Variants in SPAG16 observed in about 807,000 individuals in gnomAD.
SPAG16 encodes sperm associated antigen 16.
A neutral mutation model predicts 80.4 loss-of-function variants in SPAG16; 86 were observed. That is an observed-to-expected ratio of 1.07 (90% CI 0.90 to 1.28). SPAG16 has a LOEUF of 1.28. Ranked by LOEUF, SPAG16 falls within the 50% of genes most tolerant of loss-of-function variation. SPAG16 has a pLI of 0.00. For missense variants in SPAG16, 870 were observed against 765.3 expected, an observed-to-expected ratio of 1.14 and a Z score of -1.61; for synonymous variants, 294 against 265.9, an observed-to-expected ratio of 1.11 and a Z score of -1.03.
At chr2:213,396,576 T>C (rs765275847) in intron 9 of SPAG16, 4 of 453,334 alleles carry the variant, frequency 8.8e-6, no homozygotes, top group African/African-American at 6.0e-5. Context: ...TCTAACTCCA[T>C]GCCTCCATCA....
At chr2:213,743,198 C>T (rs767156284) in intron 10 of SPAG16, among the ~76,000 whole-genome samples, 1 of 152,212 alleles carries the variant, frequency 6.6e-6, no homozygotes, top group Non-Finnish European at 1.5e-5. Context: ...CCACCGCGCC[C>T]GGCTGTATTG....
intron 13 of SPAG16, among the ~76,000 whole-genome samples, chr2:214,089,139 T>G (rs2051989234): frequency 6.6e-6 from 1 of 152,060 alleles, no homozygotes; most frequent in African/African-American, 2.4e-5. Flanking sequence ...GGACAGAGGT[T>G]GTTTTTTTGG....
chr2:213,860,275 A>C (rs1276564894), intron 10 of SPAG16, among the ~76,000 whole-genome samples: 3 of 151,516 alleles, frequency 2.0e-5, no homozygotes, highest in Non-Finnish European at 4.4e-5. Flanking sequence ...AAATATTTCT[A>C]TTCAGCTAAA....
chr2:214,182,308 T>G (rs2057333275), intron 15 of SPAG16, among the ~76,000 whole-genome samples: 1 of 151,926 alleles, frequency 6.6e-6, no homozygotes, highest in South Asian at 2.1e-4. Flanking sequence ...TTTTCTTGAT[T>G]TTAAAACTAA....
At chr2:214,309,829 A>G (rs1484981532) in intron 15 of SPAG16, among the ~76,000 whole-genome samples, 1 of 151,984 alleles carries the variant, frequency 6.6e-6, no homozygotes, top group Non-Finnish European at 1.5e-5. Context: ...AGGGGTTCCT[A>G]CCTCCCTGAG....
chr2:214,251,041 T>A (rs113311632), intron 15 of SPAG16, among the ~76,000 whole-genome samples: 20 of 152,002 alleles, frequency 1.3e-4, no homozygotes, highest in African/African-American at 4.3e-4. Flanking sequence ...TTATTACAGC[T>A]AATGAATACA....
At chr2:213,476,032 T>C (rs2073356243) in intron 9 of SPAG16, among the ~76,000 whole-genome samples, 1 of 152,188 alleles carries the variant, frequency 6.6e-6, no homozygotes, top group African/African-American at 2.4e-5. Flanking sequence ...GAAAGAAAAC[T>C]CTCTTAATTT....
chr2:214,275,276 T>A (rs879293883), intron 15 of SPAG16, among the ~76,000 whole-genome samples: 12 of 152,134 alleles, frequency 7.9e-5, no homozygotes, highest in Non-Finnish European at 1.5e-4. Flanking sequence ...TTTTGAAGGG[T>A]TTTTTGTGTC....
At chr2:213,456,962 A>AT in intron 9 of SPAG16, among the ~76,000 whole-genome samples, 1 of 150,188 alleles carries the variant, frequency 6.7e-6, no homozygotes, top group East Asian at 2.0e-4. Flanking sequence ...TTTTTAGTGG[A>AT]TTTTTTTGAG....
At chr2:213,603,839 A>G (rs753493823) in intron 10 of SPAG16, among the ~76,000 whole-genome samples, 11 of 151,624 alleles carry the variant, frequency 7.3e-5, no homozygotes, top group Non-Finnish European at 1.5e-4. Flanking sequence ...TTTTGTCACT[A>G]TCTGTGGCTT....
chr2:214,016,126 AG>A, intron 13 of SPAG16, among the ~76,000 whole-genome samples: 2 of 152,232 alleles, frequency 1.3e-5, no homozygotes, highest in Admixed American at 1.3e-4. Flanking sequence ...GGTAGGTTCA[AG>A]AGTGAATTTG....
At chr2:213,894,805 A>G (rs1487248553) in intron 11 of SPAG16, among the ~76,000 whole-genome samples, 3 of 151,894 alleles carry the variant, frequency 2.0e-5, no homozygotes, top group Non-Finnish European at 2.9e-5. Flanking sequence ...CCTGGCTAAC[A>G]TGGTGAAACC....
chr2:213,392,464 A>T (rs1034215376), intron 9 of SPAG16, among the ~76,000 whole-genome samples: 5 of 152,200 alleles, frequency 3.3e-5, no homozygotes, highest in Non-Finnish European at 7.4e-5. Context: ...AAAAGAATTT[A>T]GTTTTACATT....
chr2:213,727,753 T>A (rs7585808), intron 10 of SPAG16, among the ~76,000 whole-genome samples: 141,412 of 152,208 alleles, frequency 0.93, 66,607 homozygotes, highest in East Asian at 1. Flanking sequence ...TGGAATGACA[T>A]GAATTGACTT....
intron 15 of SPAG16, among the ~76,000 whole-genome samples, chr2:214,358,833 G>T (rs1303677414): frequency 2.0e-5 from 3 of 151,720 alleles, no homozygotes; most frequent in Admixed American, 2.0e-4. Flanking sequence ...TCCTATGTTT[G>T]GTATTCTTGG....
chr2:213,862,791 A>G (rs893738625), intron 11 of SPAG16, among the ~76,000 whole-genome samples, 163 bp downstream of exon 11: 6 of 152,194 alleles, frequency 3.9e-5, no homozygotes, highest in Non-Finnish European at 8.8e-5. Flanking sequence ...GGTTTTCAGT[A>G]TATTGACTTC....
intron 10 of SPAG16, among the ~76,000 whole-genome samples, chr2:213,817,568 A>G (rs994574215): frequency 6.6e-6 from 1 of 152,118 alleles, no homozygotes; most frequent in Non-Finnish European, 1.5e-5. Context: ...AATAGGAAAG[A>G]CATAGAATCA....
At chr2:214,273,569 T>C (rs1692202596) in intron 15 of SPAG16, among the ~76,000 whole-genome samples, 1 of 151,930 alleles carries the variant, frequency 6.6e-6, no homozygotes, top group African/African-American at 2.4e-5. Context: ...CATTTATTTC[T>C]TTTTTTTGTC....
At chr2:213,795,000 T>G (rs933804186) in intron 10 of SPAG16, among the ~76,000 whole-genome samples, 1 of 152,138 alleles carries the variant, frequency 6.6e-6, no homozygotes, top group South Asian at 2.1e-4. Context: ...ATGCATTCTC[T>G]GAACATGTAG....
Sources: gnomAD v4.1 joint callset for allele counts (sites outside exome capture counted in the v4.1 genomes callset) on GRCh38, gnomAD v4.1.1 for gene constraint, MANE v1.5 for transcripts, NCBI Gene and HGNC (gene_info 2026-07-23, HGNC 2026-07-21) for gene names.